The following CLMN variants were observed in gnomAD, a reference collection of about 807,000 sequenced individuals.
CLMN encodes the protein calmin (calponin-like, transmembrane).
In CLMN, 57 loss-of-function variants were observed where a neutral mutation model predicts 92.7. The ratio of observed to expected loss-of-function variants is 0.61; its 90% confidence interval spans 0.50 to 0.77. CLMN has a LOEUF of 0.77. Among genes scored for constraint, CLMN ranks in the 30% least tolerant of loss-of-function variants. CLMN has a pLI of 0.00. For synonymous variants in CLMN, 466 were observed against 470.6 expected (o/e 0.99, Z 0.13); for missense variants, 1,158 against 1,237.5 (o/e 0.94, Z 0.96).
chr14:95,310,368 C>T (rs1214485352), intron 1 of CLMN, among the ~76,000 whole-genome samples: 4 of 152,236 alleles, frequency 2.6e-5, no homozygotes, highest in Non-Finnish European at 4.4e-5. Flanking sequence ...CATCTCCTGT[C>T]TCCCTCTCTC....
intron 1 of CLMN, among the ~76,000 whole-genome samples, chr14:95,316,216 A>G (rs916649237): frequency 1.3e-5 from 2 of 152,208 alleles, no homozygotes; most frequent in Non-Finnish European, 2.9e-5. Context: ...CATGGCTCCA[A>G]GGAAGCAGGG....
intron 1 of CLMN, among the ~76,000 whole-genome samples, chr14:95,268,709 G>A (rs11160238): frequency 0.17 from 26,452 of 151,164 alleles, 3,040 homozygotes; most frequent in Non-Finnish European, 0.25. Flanking sequence ...TCTTCCTCCT[G>A]GCTGTGATAC....
chr14:95,250,754 T>G (rs1252716543), intron 1 of CLMN, among the ~76,000 whole-genome samples: 1 of 152,216 alleles, frequency 6.6e-6, no homozygotes, highest in African/African-American at 2.4e-5. Flanking sequence ...GAAGCCTGTC[T>G]CTTACTTCAG....
rs1476509297 is a variant in CLMN at position 95,203,174 on chromosome 14, G to A, written c.2175C>T (p.Asp725=). 1.9e-6 allele frequency: 3 copies of A among 1,612,812 alleles called. No individual in the cohort carries two copies. Among genetic ancestry groups the A allele is most frequent in the Admixed American group, 1.7e-5 (1 of 60,010 alleles). The change falls in exon 9 of 13, where the codon GAC becomes GAT. Residue 725 remains aspartate (D), a synonymous_variant. Coordinates refer to ENST00000298912, the MANE Select transcript of CLMN (RefSeq NM_024734.4). ...PLSKVSVIPH[D]LFYFPHYEVP... The stretch of plus-strand genomic sequence containing the variant: ...CCTCATAGTGTGGGAAATAGAAGAG[G>A]TCGTGGGGAATGACGGAAACCTTTG...
chr14:95,312,687 T>C (rs537809697), intron 1 of CLMN, among the ~76,000 whole-genome samples: 1 of 152,162 alleles, frequency 6.6e-6, no homozygotes, highest in Non-Finnish European at 1.5e-5. Flanking sequence ...TGATTCCTTG[T>C]CCACAGATGT....
intron 1 of CLMN, among the ~76,000 whole-genome samples, chr14:95,276,052 C>G (rs1479881184): frequency 6.6e-6 from 1 of 152,212 alleles, no homozygotes; most frequent in Admixed American, 6.5e-5. Flanking sequence ...AGAACTCTCT[C>G]TTGGGGTCTG....
intron 1 of CLMN, among the ~76,000 whole-genome samples, chr14:95,277,290 A>G (rs780156736): frequency 2.6e-5 from 4 of 152,216 alleles, no homozygotes; most frequent in Non-Finnish European, 4.4e-5. Flanking sequence ...GACCCCTGTA[A>G]GTCTGCTATT....
At chr14:95,302,306 T>TA (rs887637114) in intron 1 of CLMN, among the ~76,000 whole-genome samples, 4 of 150,444 alleles carry the variant, frequency 2.7e-5, no homozygotes, top group African/African-American at 9.8e-5. Flanking sequence ...TCTCAAAAAT[T>TA]AAAAAAATTA....
chr14:95,224,685 C>T (rs143022718), intron 2 of CLMN, among the ~76,000 whole-genome samples: 164 of 152,282 alleles, frequency 1.1e-3, no homozygotes, highest in African/African-American at 3.8e-3. Flanking sequence ...TTCCTGTATC[C>T]GGCCACAAGG....
In CLMN at chr14:95,221,657, G is replaced by A. The variant is rs752117315; in HGVS notation, c.324+34C>T. On this transcript the variant is annotated intron_variant, in intron 4 of 12. Transcript: ENST00000298912. ...TGACGTCCTTTTCCTAACAGGACAAGCTTGTGTTAGCAGGATGAGCTTCAA... is the reference window on the plus strand; with the variant it reads ...TGACGTCCTTTTCCTAACAGGACAAACTTGTGTTAGCAGGATGAGCTTCAA... The A allele has an allele frequency of 1.9e-6, 3 of 1,574,700 alleles. No homozygotes were observed. In the South Asian group the frequency reaches 3.3e-5, roughly 18 times the overall value.
At chr14:95,258,112 T>C (rs1041201241) in intron 1 of CLMN, among the ~76,000 whole-genome samples, 2 of 151,290 alleles carry the variant, frequency 1.3e-5, no homozygotes, top group Non-Finnish European at 2.9e-5. Flanking sequence ...ATTCAGCACA[T>C]GTGCAGTGTT....
rs191655336 is a variant in CLMN at position 95,282,324 on chromosome 14, T to C, written c.82+37387A>G. Among the ~76,000 whole-genome samples, 669 of 152,100 alleles carry C rather than the reference T, an allele frequency of 4.4e-3. 2 individuals are homozygous for C. Among genetic ancestry groups the C allele is most frequent in the Admixed American group, 0.016 (242 of 15,294 alleles). ...TTAAGAACATCTCTCTGGCAGCATA[T>C]GGAAAGGATATTGGAAAGAGAAGCA... On this transcript the variant is annotated intron_variant, in intron 1 of 12. Coordinates refer to ENST00000298912, the MANE Select transcript of CLMN (RefSeq NM_024734.4).
At chr14:95,249,147 C>T (rs1898685692) in intron 1 of CLMN, among the ~76,000 whole-genome samples, 1 of 152,184 alleles carries the variant, frequency 6.6e-6, no homozygotes, top group Non-Finnish European at 1.5e-5. Context: ...TGGCTTAACA[C>T]TATTTTGACC....
chr14:95,266,230 A>C (rs1227569500), intron 1 of CLMN, among the ~76,000 whole-genome samples: 3 of 152,248 alleles, frequency 2.0e-5, no homozygotes, highest in Non-Finnish European at 4.4e-5. Context: ...AAAGAAACGA[A>C]GGGCATCCAA....
In CLMN at chr14:95,204,062, C is replaced by T; in HGVS notation, c.1287G>A (p.Glu429=). The T allele has an allele frequency of 2.5e-6, 4 of 1,614,176 alleles. No individual in the cohort carries two copies. Among genetic ancestry groups the T allele is most frequent in the Non-Finnish European group, 3.4e-6 (4 of 1,180,042 alleles). ...SLPIKKTVHF[E]ADTYKDPFCS... Reference sequence around the variant, plus strand: ...AGAAAGGATCCTTGTAGGTGTCAGCCTCAAAGTGAACTGTTTTCTTGATCG... The same window carrying T: ...AGAAAGGATCCTTGTAGGTGTCAGCTTCAAAGTGAACTGTTTTCTTGATCG... Residue 429 remains glutamate (E), a synonymous_variant, in exon 9 of 13, where the codon GAG becomes GAA. Coordinates refer to ENST00000298912, the MANE Select transcript of CLMN (RefSeq NM_024734.4).
chr14:95,291,504 T>C (rs945192409), intron 1 of CLMN, among the ~76,000 whole-genome samples: 3 of 152,162 alleles, frequency 2.0e-5, no homozygotes, highest in Non-Finnish European at 4.4e-5. Flanking sequence ...CAGGTGCGGC[T>C]GGGGATTATC....
intron 1 of CLMN, among the ~76,000 whole-genome samples, chr14:95,261,512 G>A (rs1044534252): frequency 6.6e-6 from 1 of 152,190 alleles, no homozygotes; most frequent in African/African-American, 2.4e-5. Context: ...TTTCTCCTGG[G>A]CATCTTGCTA....
At chr14:95,237,241 C>T (rs1898085528) in intron 1 of CLMN, among the ~76,000 whole-genome samples, 1 of 152,252 alleles carries the variant, frequency 6.6e-6, no homozygotes, top group African/African-American at 2.4e-5. Flanking sequence ...CGGCCATGCA[C>T]AGAGGCCCTG....
At chr14:95,245,217 T>TA (rs1220408510) in intron 1 of CLMN, among the ~76,000 whole-genome samples, 1 of 32,598 alleles carries the variant, frequency 3.1e-5, no homozygotes, top group African/African-American at 2.0e-4. Flanking sequence ...ATTATATATA[T>TA]ATATATATTA....
Sources: gnomAD v4.1 joint callset for allele counts (sites outside exome capture counted in the v4.1 genomes callset) on GRCh38, gnomAD v4.1.1 for gene constraint, MANE v1.5 for transcripts, NCBI Gene and HGNC (gene_info 2026-07-23, HGNC 2026-07-21) for gene names.